The following MIS18BP1 variants were observed in gnomAD, a reference collection of about 807,000 sequenced individuals.
MIS18BP1 encodes the protein MIS18 binding protein 1.
Under a neutral mutation model 116.1 loss-of-function variants are expected in MIS18BP1, and 72 were observed. The observed-to-expected ratio is 0.62, with a 90% CI of 0.51 to 0.75. The LOEUF is 0.75. Among genes scored for constraint, MIS18BP1 ranks in the 30% least tolerant of loss-of-function variants. The pLI is 0.00. For missense variants in MIS18BP1, 1,363 were observed against 1,303.2 expected (o/e 1.05, Z -0.71); for synonymous variants, 386 against 427.0 (o/e 0.90, Z 1.18).
chr14:45,225,231 C>A (rs1027572177), intron 10 of MIS18BP1, among the ~76,000 whole-genome samples: 1 of 152,210 alleles, frequency 6.6e-6, no homozygotes, highest in Non-Finnish European at 1.5e-5. Context: ...AACTTGTACA[C>A]ATTCCCTACA....
At chr14:45,233,276 G>A (rs1025002015) in intron 6 of MIS18BP1, among the ~76,000 whole-genome samples, 11 of 152,124 alleles carry the variant, frequency 7.2e-5, no homozygotes, top group African/African-American at 2.7e-4. Flanking sequence ...AAACAATTAG[G>A]AGTCCAGTAT....
chr14:45,223,521 A>G (rs1047600526), intron 11 of MIS18BP1, among the ~76,000 whole-genome samples: 3 of 152,206 alleles, frequency 2.0e-5, no homozygotes, highest in African/African-American at 4.8e-5. Flanking sequence ...AGGTTGCAGT[A>G]ACCGGGATTG....
At chr14:45,243,933 T>C (rs1478850922) in intron 2 of MIS18BP1, among the ~76,000 whole-genome samples, 1 of 152,202 alleles carries the variant, frequency 6.6e-6, no homozygotes, top group African/African-American at 2.4e-5. Context: ...TTTCTTACTC[T>C]CAAATGCTAC....
Position 45,242,300 on chromosome 14 carries a change from T to C in MIS18BP1, c.877A>G (p.Ile293Val), listed in dbSNP as rs1273466006. The change falls in exon 4 of 17, where the codon ATT becomes GTT. Residue 293 changes from isoleucine (I) to valine (V), a missense_variant. Ile to Val is a conservative substitution (Grantham distance 29, BLOSUM62 3). Coordinates refer to ENST00000310806, the MANE Select transcript of MIS18BP1 (RefSeq NM_018353.5). ...TNAETLSTNC[I>V]PIKNGSLLMV... ...AACAGGCTGCCATTTTTAATAGGAA[T>C]ACAATTAGTACTGAGAGTCTCAGCA... is the stretch of plus-strand genomic sequence containing the variant. 4 of 1,614,082 alleles carry C rather than the reference T, an allele frequency of 2.5e-6. No individual in the cohort carries two copies. The highest frequency in any genetic ancestry group is 3.4e-6 in the Non-Finnish European group (4 of 1,179,998).
At chr14:45,214,336 C>T (rs1890756183) in intron 13 of MIS18BP1, among the ~76,000 whole-genome samples, 2 of 152,216 alleles carry the variant, frequency 1.3e-5, no homozygotes, top group South Asian at 4.1e-4. Context: ...CAATACTGCT[C>T]TTTAATGCAC....
intron 12 of MIS18BP1, among the ~76,000 whole-genome samples, chr14:45,217,666 G>A (rs1439351909): frequency 6.6e-6 from 1 of 151,624 alleles, no homozygotes; most frequent in East Asian, 1.9e-4. Flanking sequence ...GAACTTGTGA[G>A]CTCAAGTAAT....
At chr14:45,237,844 A>C (rs1891469638) in intron 4 of MIS18BP1, 123 bp from the exon 5 acceptor site, 11 of 1,311,750 alleles carry the variant, frequency 8.4e-6, no homozygotes, top group Non-Finnish European at 1.1e-5. Context: ...AGTGTCATCG[A>C]TGTAAGATTC....
chr14:45,207,661 T>C (rs1038285725), intron 14 of MIS18BP1, among the ~76,000 whole-genome samples: 12 of 152,084 alleles, frequency 7.9e-5, no homozygotes, highest in African/African-American at 2.7e-4. Context: ...AAAAAACAAA[T>C]GAACAGGCCT....
intron 14 of MIS18BP1, among the ~76,000 whole-genome samples, chr14:45,207,884 T>A (rs1305967861): frequency 6.6e-6 from 1 of 152,126 alleles, no homozygotes; most frequent in Non-Finnish European, 1.5e-5. Context: ...CAATATAGAT[T>A]CATAACATAA....
intron 9 of MIS18BP1, among the ~76,000 whole-genome samples, chr14:45,227,305 G>C (rs972600232): frequency 1.3e-5 from 2 of 151,886 alleles, no homozygotes; most frequent in African/African-American, 4.8e-5. Flanking sequence ...TCAGGAGTTC[G>C]AGACCAGCCT....
intron 1 of MIS18BP1, among the ~76,000 whole-genome samples, chr14:45,252,485 T>C (rs1891903892): frequency 6.6e-6 from 1 of 152,196 alleles, no homozygotes; most frequent in South Asian, 2.1e-4. Context: ...GTGTTTATCT[T>C]TGAAGGCCAG....
chr14:45,216,218 T>C (rs967792331), intron 13 of MIS18BP1, among the ~76,000 whole-genome samples: 1 of 152,226 alleles, frequency 6.6e-6, no homozygotes, highest in African/African-American at 2.4e-5. Flanking sequence ...CTCTCAAGAA[T>C]AGAATAAATC....
chr14:45,210,635 C>A, intron 13 of MIS18BP1, 107 bp from the exon 14 acceptor site: 2 of 1,347,860 alleles, frequency 1.5e-6, no homozygotes, highest in Non-Finnish European at 1.0e-6. Context: ...TGTAACTTTC[C>A]AAGTTAGATA....
In MIS18BP1 at chr14:45,210,498, C is replaced by T; in HGVS notation, c.3034G>A (p.Asp1012Asn). The change falls in exon 14 of 17, where the codon GAT (aspartate) becomes AAT (asparagine). Residue 1012 changes from aspartate (D) to asparagine (N), a missense_variant. Coordinates refer to ENST00000310806, the MANE Select transcript of MIS18BP1 (RefSeq NM_018353.5). ...LPSFQDSEDD[D>N]DILPNMDKNP... is the part of the protein sequence containing the mutation. ...TTGTCCATATTTGGCAGAATATCATCATCATCTTCACTGTCCTGGAAACTT... is the reference window on the plus strand; with the variant it reads ...TTGTCCATATTTGGCAGAATATCATTATCATCTTCACTGTCCTGGAAACTT... The T allele has an allele frequency of 6.2e-7, 1 of 1,613,968 alleles. No individual in the cohort carries two copies. The highest frequency in any genetic ancestry group is 8.5e-7 in the Non-Finnish European group (1 of 1,179,948).
At chr14:45,212,925 C>G (rs1446751749) in intron 13 of MIS18BP1, among the ~76,000 whole-genome samples, 1 of 152,188 alleles carries the variant, frequency 6.6e-6, no homozygotes, top group Non-Finnish European at 1.5e-5. Flanking sequence ...CTGCTTGGCC[C>G]TCTTCTGAGA....
intron 2 of MIS18BP1, among the ~76,000 whole-genome samples, chr14:45,245,844 AT>A (rs1008938844): frequency 6.6e-6 from 1 of 152,258 alleles, no homozygotes; most frequent in Non-Finnish European, 1.5e-5. Context: ...ACTTCTCTAA[AT>A]TCCAACTAGT....
chr14:45,212,664 A>G (rs1228529871), intron 13 of MIS18BP1, among the ~76,000 whole-genome samples: 1 of 152,178 alleles, frequency 6.6e-6, no homozygotes, highest in Non-Finnish European at 1.5e-5. Context: ...TAAGAGGAAA[A>G]ATGGAGGAGT....
intron 13 of MIS18BP1, 104 bp from the exon 14 acceptor site, chr14:45,210,632 T>G: frequency 1.4e-6 from 2 of 1,387,288 alleles, no homozygotes; most frequent in Non-Finnish European, 2.0e-6. Flanking sequence ...TCTTGTAACT[T>G]TCCAAGTTAG....
chr14:45,210,492 T>TATC lies in MIS18BP1; in HGVS notation c.3037_3039dup (p.Asp1013dup). Reference sequence around the variant, plus strand: ...GGATTTTTGTCCATATTTGGCAGAATATCATCATCATCTTCACTGTCCTGG... The same window carrying TATC: ...GGATTTTTGTCCATATTTGGCAGAATATCATCATCATCATCTTCACTGTCCTGG... On this transcript the variant is annotated inframe_insertion, in exon 14 of 17. Coordinates refer to ENST00000310806, the MANE Select transcript of MIS18BP1 (RefSeq NM_018353.5). The TATC allele has an allele frequency of 6.2e-7, 1 of 1,614,040 alleles. No individual in the cohort carries two copies. The highest frequency in any genetic ancestry group is 8.5e-7 in the Non-Finnish European group (1 of 1,179,952).
Sources: allele counts gnomAD v4.1 joint callset (sites outside exome capture counted in the v4.1 genomes callset), GRCh38; gene constraint gnomAD v4.1.1; transcripts MANE v1.5; gene names NCBI Gene and HGNC (gene_info 2026-07-23, HGNC 2026-07-21).